The following PAX5 variants were observed in gnomAD, a reference collection of about 807,000 sequenced individuals.
The protein encoded by PAX5 is paired box protein Pax-5.
Under a neutral mutation model 43.7 loss-of-function variants are expected in PAX5, and 9 were observed. That is an observed-to-expected ratio of 0.21 (90% CI 0.12 to 0.36). The LOEUF (loss-of-function observed/expected upper bound fraction) is 0.36, where lower values mean the gene tolerates loss of function less well. Among genes scored for constraint, PAX5 ranks in the 10% least tolerant of loss-of-function variants. PAX5 has a pLI of 1.00. For synonymous variants in PAX5, 228 were observed against 214.3 expected (o/e 1.06, Z -0.56); for missense variants, 383 against 532.7 (o/e 0.72, Z 2.77).
chr9:36,894,826 C>T lies in PAX5; in HGVS notation c.911-12721G>A, dbSNP rs1267405483. On this transcript the variant is annotated intron_variant, in intron 7 of 9. Transcript: ENST00000358127. ...TTGGAAAGCACAGCTCTGTTCACAT[C>T]GAGCTGCTGTCAGAAATCCTCGATG... 2.6e-5 allele frequency among the ~76,000 whole-genome samples: 4 copies of T among 152,340 alleles called. No homozygotes were observed. The East Asian group carries it at 5.8e-4, about 22-fold the overall frequency.
At position 36,882,033 on chromosome 9, in the gene PAX5, G is replaced by A. The variant is rs778880926; in HGVS notation, c.983C>T (p.Ser328Leu). The change falls in exon 8 of 10, where the codon TCA becomes TTA. Residue 328 changes from serine to leucine, a missense_variant. Transcript: ENST00000358127. The surrounding 1 kb of genome is among the most constrained non-coding windows in gnomAD (Gnocchi z 4.4). ...CACCATCCCTGTCAGCGTCGGTGCT[G>A]AGTAGCTGCCCTGTCCAGCGGGGGG... Reference protein sequence around the residue: ...HVPPAGQGSYSAPTLTGMVPG... With the variant: ...HVPPAGQGSYLAPTLTGMVPG... 1 of 1,613,418 alleles carries A rather than the reference G, an allele frequency of 6.2e-7. No homozygotes were observed. Among genetic ancestry groups the A allele is most frequent in the Admixed American group, 1.7e-5 (1 of 59,972 alleles).
intron 6 of PAX5, among the ~76,000 whole-genome samples, chr9:36,947,360 C>T (rs181060050): frequency 7.6e-4 from 115 of 152,264 alleles, no homozygotes; most frequent in Admixed American, 1.6e-3. Context: ...GTACCATTTC[C>T]TCAGTTTCCT....
intron 8 of PAX5, among the ~76,000 whole-genome samples, chr9:36,847,680 G>T (rs980642392): frequency 1.3e-5 from 2 of 152,188 alleles, no homozygotes; most frequent in African/African-American, 4.8e-5. Context: ...GTGTGCCAGG[G>T]TGTGATGAGC....
intron 6 of PAX5, among the ~76,000 whole-genome samples, chr9:36,925,706 C>T (rs1406160852): frequency 2.0e-5 from 3 of 152,186 alleles, no homozygotes; most frequent in Non-Finnish European, 4.4e-5. Context: ...ACGTGGCGAG[C>T]TCTAGGTCCA....
intron 6 of PAX5, among the ~76,000 whole-genome samples, chr9:36,929,814 C>T (rs564581036): frequency 2.3e-4 from 35 of 152,322 alleles, no homozygotes; most frequent in Middle Eastern, 3.4e-3. Flanking sequence ...GCAACCTCCA[C>T]CTCCCTGTTT....
chr9:36,877,640 G>A (rs981294697), intron 8 of PAX5, among the ~76,000 whole-genome samples: 2 of 152,170 alleles, frequency 1.3e-5, no homozygotes, highest in South Asian at 4.1e-4. Context: ...CTTCAGCACC[G>A]TCACAATTCA....
At chr9:36,939,360 G>A (rs1411648700) in intron 6 of PAX5, among the ~76,000 whole-genome samples, 2 of 152,116 alleles carry the variant, frequency 1.3e-5, no homozygotes, top group African/African-American at 4.8e-5. Context: ...AGCCGTTTGG[G>A]CAGGGCTGAC....
At chr9:36,923,545 A>C in intron 6 of PAX5, 61 bp from the exon 7 acceptor site, 1 of 1,551,720 alleles carries the variant, frequency 6.4e-7, no homozygotes, top group African/African-American at 1.3e-5. Context: ...GTCAAATGCC[A>C]ACTCCACGTT....
At chr9:37,025,255 C>G (rs976398334) in intron 1 of PAX5, among the ~76,000 whole-genome samples, 7 of 152,232 alleles carry the variant, frequency 4.6e-5, no homozygotes, top group African/African-American at 1.7e-4. Context: ...GCAGCCAGCC[C>G]TGGCTGCCTA....
At chr9:36,848,978 T>G (rs1822880254) in intron 8 of PAX5, among the ~76,000 whole-genome samples, 1 of 152,204 alleles carries the variant, frequency 6.6e-6, no homozygotes, top group Non-Finnish European at 1.5e-5. Flanking sequence ...GTCCCCACCT[T>G]TCTAGCCTTA....
rs944296286 is a variant in PAX5, at chr9:36,893,969, C to T, written c.911-11864G>A. ...ATCATAATTAGCATGTGGAGAGAGC[C>T]CAACTGTCCATCTGGGTCCAGAGTG... On this transcript the variant is annotated intron_variant, in intron 7 of 9. Coordinates refer to ENST00000358127, the MANE Select transcript of PAX5 (RefSeq NM_016734.3). Among the ~76,000 whole-genome samples the T allele has an allele frequency of 3.3e-5, 5 of 152,130 alleles. No individual in the cohort carries two copies. The South Asian group carries it at 6.2e-4, about 19-fold the overall frequency.
chr9:37,013,451 C>T (rs941103271), intron 3 of PAX5, among the ~76,000 whole-genome samples: 2 of 152,176 alleles, frequency 1.3e-5, no homozygotes, highest in African/African-American at 4.8e-5. Context: ...ACCTGTGGGT[C>T]CCCAAAGCCT....
rs1220530661 is a variant in PAX5, at chr9:36,966,685, G to A, written c.644C>T (p.Pro215Leu). 14 of 1,614,084 alleles carry A rather than the reference G, an allele frequency of 8.7e-6. No homozygotes were observed. The highest frequency in any genetic ancestry group is 1.3e-5 in the African/African-American group (1 of 74,922). The stretch of plus-strand genomic sequence containing the variant: ...CTGCTTCCGGAGGAAGTCTCTGCCC[G>A]GAAGCGAGTGGCCGTTCGGCACCGG... ...ESPVPNGHSL[P>L]GRDFLRKQMR... The change falls in exon 6 of 10, where the codon CCG (proline) becomes CTG (leucine). Residue 215 changes from proline (P) to leucine (L), a missense_variant. Pro to Leu is a moderately conservative substitution (Grantham distance 98, BLOSUM62 -3). Coordinates refer to ENST00000358127, the MANE Select transcript of PAX5 (RefSeq NM_016734.3).
At chr9:36,969,235 G>C (rs1283294474) in intron 5 of PAX5, among the ~76,000 whole-genome samples, 1 of 152,182 alleles carries the variant, frequency 6.6e-6, no homozygotes, top group Admixed American at 6.5e-5. Context: ...TCCCCAGCAG[G>C]GCAGTGCCCA....
chr9:36,893,810 G>GTTCA (rs1262131916), intron 7 of PAX5, among the ~76,000 whole-genome samples: 2 of 152,366 alleles, frequency 1.3e-5, no homozygotes, highest in East Asian at 3.9e-4. Flanking sequence ...TATCGGCGAG[G>GTTCA]TTCAGTAATG....
chr9:36,880,878 C>T (rs4316224), intron 8 of PAX5, among the ~76,000 whole-genome samples: 126,841 of 152,124 alleles, frequency 0.83, 52,979 homozygotes, highest in Admixed American at 0.88. Flanking sequence ...GTGCCCGGCC[C>T]AGTCTGGCTT....
At position 37,015,900 on chromosome 9, in the gene PAX5, T is replaced by C. The variant is rs1288319677; in HGVS notation, c.213-706A>G. Among the ~76,000 whole-genome samples, 8 of 152,248 alleles carry C rather than the reference T, an allele frequency of 5.3e-5. No homozygotes were observed. Among genetic ancestry groups the C allele is most frequent in the Non-Finnish European group, 7.3e-5 (5 of 68,038 alleles). The stretch of plus-strand genomic sequence containing the variant: ...CGGCCAGTCTCTCATTGTATTTCTA[T>C]TGGACAGCACTGGCTAAGCATTAAC... On this transcript the variant is annotated intron_variant, in intron 2 of 9. Coordinates refer to ENST00000358127, the MANE Select transcript of PAX5 (RefSeq NM_016734.3). This position sits in a 1 kb window ranked among gnomAD's most constrained non-coding sequence, Gnocchi z 4.4.
At chr9:36,883,816 G>T (rs1378079211) in intron 7 of PAX5, among the ~76,000 whole-genome samples, 1 of 151,956 alleles carries the variant, frequency 6.6e-6, no homozygotes, top group Non-Finnish European at 1.5e-5. Context: ...TAAAGGATGA[G>T]GAGACATTAT....
rs1821554041 is a variant in PAX5, at chr9:36,835,169, G to A, written c.*5391C>T. On this transcript the variant is annotated 3_prime_UTR_variant, in exon 10 of 10. Coordinates refer to ENST00000358127, the MANE Select transcript of PAX5 (RefSeq NM_016734.3). Reference sequence around the variant, plus strand: ...AAGATGTGGGAACAAGAATTTCTGGGCTTTCTGAATGGTGGCTACGTTTAC... The same window carrying A: ...AAGATGTGGGAACAAGAATTTCTGGACTTTCTGAATGGTGGCTACGTTTAC... The A allele has an allele frequency of 4.3e-6, 1 of 233,232 alleles. No homozygotes were observed. The highest frequency in any genetic ancestry group is 2.2e-5 in the African/African-American group (1 of 45,356). 14.4% of individuals were successfully genotyped at this position (233,232 alleles called of 1,614,324 possible).
Sources: allele counts gnomAD v4.1 joint callset (sites outside exome capture counted in the v4.1 genomes callset), GRCh38; gene constraint gnomAD v4.1.1; non-coding constraint Gnocchi (gnomAD v3.1); transcripts MANE v1.5; gene names NCBI Gene and HGNC (gene_info 2026-07-23, HGNC 2026-07-21).